Variants in SEC24C observed in about 807,000 individuals in gnomAD.
SEC24C encodes protein transport protein Sec24C.
Under a neutral mutation model 117.0 loss-of-function variants are expected in SEC24C, and 22 were observed. The observed-to-expected ratio is 0.19, with a 90% CI of 0.13 to 0.27. The LOEUF (loss-of-function observed/expected upper bound fraction) is 0.27. SEC24C is among the 10% of genes least tolerant of loss of function. SEC24C has a pLI of 1.00. For missense variants in SEC24C, 1,155 were observed against 1,375.1 expected (o/e 0.84, Z 2.53); for synonymous variants, 506 against 529.4 (o/e 0.96, Z 0.61).
rs185634930 is a variant in SEC24C, at chr10:73,749,834, G to A, written c.173-1274G>A. ...TGGGATTACAGGCGTGAGCCACCAC[G>A]TCCAGCCTTACCTTACTTTCTCAAG... On this transcript the variant is annotated intron_variant, in intron 2 of 22. Transcript: ENST00000345254. Among the ~76,000 whole-genome samples the A allele has an allele frequency of 4.0e-3, 611 of 152,294 alleles. 3 individuals are homozygous for A. Among genetic ancestry groups the A allele is most frequent in the African/African-American group, 0.014 (587 of 41,550 alleles).
intron 6 of SEC24C, chr10:73,762,156 T>C (rs1228906155): frequency 4.7e-6 from 6 of 1,289,676 alleles, no homozygotes; most frequent in Non-Finnish European, 6.1e-6. Flanking sequence ...CCCGATGCCA[T>C]TCCTAGTCCA....
Position 73,755,163 on chromosome 10 carries a change from A to C in SEC24C, c.308+3920A>C, listed in dbSNP as rs180966618. The stretch of plus-strand genomic sequence containing the variant: ...AACAAAAAAAAAACAAAAGACAATG[A>C]GAAAGAGCAGTAGTGAGGTGGGAGA... On this transcript the variant is annotated intron_variant, in intron 3 of 22. Coordinates refer to ENST00000345254, the MANE Select transcript of SEC24C (RefSeq NM_198597.3). 4.2e-4 allele frequency among the ~76,000 whole-genome samples: 64 copies of C among 152,080 alleles called. No individual in the cohort carries two copies. The East Asian group carries it at 0.01, about 24-fold the overall frequency.
intron 2 of SEC24C, among the ~76,000 whole-genome samples, chr10:73,750,546 A>AT (rs1565035538): frequency 1.3e-5 from 2 of 152,228 alleles, no homozygotes; most frequent in East Asian, 3.8e-4. Context: ...TCTCCGATCT[A>AT]TAGGAACACG....
chr10:73,749,697 C>A (rs923235086), intron 2 of SEC24C, among the ~76,000 whole-genome samples: 4 of 152,114 alleles, frequency 2.6e-5, no homozygotes, highest in African/African-American at 9.7e-5. Flanking sequence ...GCACATGCCA[C>A]CACGCCCGGC....
chr10:73,755,483 C>T (rs1032818408), intron 3 of SEC24C, among the ~76,000 whole-genome samples: 1 of 152,030 alleles, frequency 6.6e-6, no homozygotes, highest in African/African-American at 2.4e-5. Context: ...CGAGACCATC[C>T]TGGCTAACAC....
chr10:73,769,194 C>A lies in SEC24C; in HGVS notation c.2424+42C>A. 6.2e-7 allele frequency: 1 copy of A among 1,609,022 alleles called. No individual in the cohort carries two copies. On this transcript the variant is annotated intron_variant, in intron 17 of 22. Coordinates refer to ENST00000345254, the MANE Select transcript of SEC24C (RefSeq NM_198597.3). The surrounding 1 kb of genome is among the most constrained non-coding windows in gnomAD (Gnocchi z 4.5). ...GGGGCTGGGCAGGAAGTGTTTCATT[C>A]GCTTGGTATAGAAGAGGGTGAGGAA...
Position 73,760,857 on chromosome 10 carries a change from G to A in SEC24C, c.987+8G>A. 1 of 1,604,698 alleles carries A rather than the reference G, an allele frequency of 6.2e-7. No individual in the cohort carries two copies. Among genetic ancestry groups the A allele is most frequent in the Non-Finnish European group, 8.5e-7 (1 of 1,176,374 alleles). On this transcript the variant is annotated splice_region_variant and intron_variant, in intron 6 of 22. Transcript: ENST00000345254. ...GATGCCATCCCAAGCCCTGTAAGTA[G>A]AAACTTTCATGGTCCTGAGGAAGGG... is the stretch of plus-strand genomic sequence containing the variant.
In SEC24C at chr10:73,769,852, G is replaced by A; in HGVS notation, c.2699G>A (p.Cys900Tyr). The A allele has an allele frequency of 6.2e-7, 1 of 1,614,170 alleles. No homozygotes were observed. Among genetic ancestry groups the A allele is most frequent in the Non-Finnish European group, 8.5e-7 (1 of 1,180,014 alleles). Residue 900 changes from cysteine to tyrosine, a missense_variant, in exon 20 of 23, where the codon TGC becomes TAC. Physicochemically the swap from Cys to Tyr is radical, Grantham distance 194. Transcript: ENST00000345254. This position sits in a 1 kb window ranked among gnomAD's most constrained non-coding sequence, Gnocchi z 4.5. ...SSAGQLILPECMKLLPVYLNC... is the reference protein window; with the variant it reads ...SSAGQLILPEYMKLLPVYLNC... ...TCCCCTCAGTTGATCCTTCCTGAGT[G>A]CATGAAGCTACTCCCAGTTTACCTG...
At chr10:73,757,286 G>A (rs183313528) in intron 3 of SEC24C, among the ~76,000 whole-genome samples, 1,786 of 146,602 alleles carry the variant, frequency 0.012, 31 homozygotes, top group Non-Finnish European at 0.014. Flanking sequence ...CACCTTGGGA[G>A]GCTGAGACAG....
Position 73,769,269 on chromosome 10 carries a change from C to A in SEC24C, c.2425-78C>A. The A allele has an allele frequency of 1.2e-5, 19 of 1,591,616 alleles. No homozygotes were observed. The highest frequency in any genetic ancestry group is 1.6e-5 in the Non-Finnish European group (19 of 1,167,754). Reference sequence around the variant, plus strand: ...GACAGGGCACGGGAGTGGCTCATTTCTCTCTTCCAGTTTAATAGTGTAGCA... The same window carrying A: ...GACAGGGCACGGGAGTGGCTCATTTATCTCTTCCAGTTTAATAGTGTAGCA... On this transcript the variant is annotated intron_variant, in intron 17 of 22. Coordinates refer to ENST00000345254, the MANE Select transcript of SEC24C (RefSeq NM_198597.3). The surrounding 1 kb of genome is among the most constrained non-coding windows in gnomAD (Gnocchi z 4.5).
At chr10:73,764,821 C>A (rs1488451357) in intron 8 of SEC24C, among the ~76,000 whole-genome samples, 3 of 152,368 alleles carry the variant, frequency 2.0e-5, no homozygotes, top group East Asian at 1.9e-4. Flanking sequence ...TGGTAGGATA[C>A]TCATATTCAG....
chr10:73,759,483 T>C lies in SEC24C; in HGVS notation c.309-139T>C, dbSNP rs539364093. On this transcript the variant is annotated intron_variant, in intron 3 of 22. Coordinates refer to ENST00000345254, the MANE Select transcript of SEC24C (RefSeq NM_198597.3). ...TAATTTACCCACAAATATACAAAAG[T>C]ATGAAGCCATAAAAGAACTCAGGGT... 7.7e-6 allele frequency: 4 copies of C among 516,404 alleles called. No homozygotes were observed. The African/African-American group carries it at 7.9e-5, about 10-fold the overall frequency. 32.0% of individuals were successfully genotyped at this position (516,404 alleles called of 1,614,324 possible).
At chr10:73,762,727 C>T (rs1188763880) in intron 6 of SEC24C, among the ~76,000 whole-genome samples, 3 of 152,124 alleles carry the variant, frequency 2.0e-5, no homozygotes, top group African/African-American at 7.2e-5. Context: ...GTCTTATTTG[C>T]CCTTTGCTTT....
chr10:73,755,925 C>T (rs564581279), intron 3 of SEC24C, among the ~76,000 whole-genome samples: 1 of 151,306 alleles, frequency 6.6e-6, no homozygotes, highest in East Asian at 2.0e-4. Flanking sequence ...GATCTCTGCT[C>T]ACTGCAACCT....
Position 73,766,482 on chromosome 10 carries a change from T to C in SEC24C, c.1740T>C (p.Phe580=). Residue 580 remains phenylalanine (F), a synonymous_variant, in exon 12 of 23, where the codon TTT becomes TTC. Coordinates refer to ENST00000345254, the MANE Select transcript of SEC24C (RefSeq NM_198597.3). ...TTGTGTCTGATGTGGCTGACATGTT[T>C]GTGCCACTGCTGGATGGCTTCCTGG... is the stretch of plus-strand genomic sequence containing the variant. The part of the protein sequence containing the change: ...MMVVSDVADM[F]VPLLDGFLVN... The C allele has an allele frequency of 6.2e-7, 1 of 1,613,958 alleles. No individual in the cohort carries two copies. The highest frequency in any genetic ancestry group is 8.5e-7 in the Non-Finnish European group (1 of 1,180,028).
intron 1 of SEC24C, among the ~76,000 whole-genome samples, chr10:73,745,117 G>A (rs939021771): frequency 5.9e-5 from 9 of 152,070 alleles, no homozygotes; most frequent in African/African-American, 1.9e-4. Context: ...AAGGGGGAGA[G>A]GTCCATTGTT....
chr10:73,745,601 T>G (rs750299664), intron 1 of SEC24C, among the ~76,000 whole-genome samples: 37 of 151,792 alleles, frequency 2.4e-4, no homozygotes, highest in Non-Finnish European at 4.0e-4. Flanking sequence ...CAGGCTGGAG[T>G]GCAGTGGCAC....
intron 8 of SEC24C, 138 bp from the exon 9 acceptor site, chr10:73,765,313 A>G (rs1237753455): frequency 3.5e-6 from 3 of 863,150 alleles, no homozygotes; most frequent in African/African-American, 1.7e-5. Flanking sequence ...ACTCCCTTTC[A>G]TCATTGTGCT....
At chr10:73,764,766 T>C (rs938406765) in intron 8 of SEC24C, among the ~76,000 whole-genome samples, 10 of 152,220 alleles carry the variant, frequency 6.6e-5, no homozygotes, top group Non-Finnish European at 1.3e-4. Flanking sequence ...CAGTACCTGA[T>C]ACCAGCATGA....
Sources: allele counts gnomAD v4.1 joint callset (sites outside exome capture counted in the v4.1 genomes callset), GRCh38; gene constraint gnomAD v4.1.1; non-coding constraint Gnocchi (gnomAD v3.1); transcripts MANE v1.5; gene names NCBI Gene and HGNC (gene_info 2026-07-23, HGNC 2026-07-21).